Variants in PARVA observed in about 807,000 individuals in gnomAD.
PARVA encodes the protein alpha-parvin.
A neutral mutation model predicts 52.6 loss-of-function variants in PARVA; 25 were observed. That is an observed-to-expected ratio of 0.48 (90% CI 0.35 to 0.66). The LOEUF (loss-of-function observed/expected upper bound fraction) is 0.66, where lower values mean the gene tolerates loss of function less well. PARVA is among the 30% of genes least tolerant of loss of function. PARVA has a pLI of 0.01. For synonymous variants in PARVA, 185 were observed against 179.1 expected, an observed-to-expected ratio of 1.03 and a Z score of -0.26; for missense variants, 373 against 450.9, an observed-to-expected ratio of 0.83 and a Z score of 1.56.
At chr11:12,472,236 C>G (rs1009204520) in intron 1 of PARVA, among the ~76,000 whole-genome samples, 1 of 152,158 alleles carries the variant, frequency 6.6e-6, no homozygotes, top group African/African-American at 2.4e-5. Flanking sequence ...TTAAAAATCT[C>G]CAGATAATGT....
intron 12 of PARVA, among the ~76,000 whole-genome samples, chr11:12,520,928 C>A (rs1177846189): frequency 6.6e-6 from 1 of 152,118 alleles, no homozygotes; most frequent in Non-Finnish European, 1.5e-5. Flanking sequence ...CAAAGTGAGA[C>A]CCTGTCTCAA....
intron 1 of PARVA, among the ~76,000 whole-genome samples, chr11:12,466,311 GT>G (rs36045215): frequency 3.1e-4 from 45 of 142,936 alleles, no homozygotes; most frequent in Non-Finnish European, 3.4e-4. Context: ...TTATTTAGTT[GT>G]TTTTTTTTTT....
intron 1 of PARVA, among the ~76,000 whole-genome samples, chr11:12,432,826 G>C (rs1940333217): frequency 6.6e-6 from 1 of 152,118 alleles, no homozygotes; most frequent in Middle Eastern, 3.2e-3. Flanking sequence ...ATTTGAACCT[G>C]TTTTCTATCA....
chr11:12,466,330 G>A (rs1271318069), intron 1 of PARVA, among the ~76,000 whole-genome samples: 12 of 145,322 alleles, frequency 8.3e-5, no homozygotes, highest in Admixed American at 1.4e-4. Flanking sequence ...TTTTTGAGAC[G>A]GAGTCTTGCT....
At chr11:12,452,688 C>A (rs1047338156) in intron 1 of PARVA, 2 of 225,274 alleles carry the variant, frequency 8.9e-6, no homozygotes, top group African/African-American at 4.5e-5. Flanking sequence ...GTAACTTATA[C>A]CCCGAATGAG....
chr11:12,459,241 C>CAA (rs34764506), intron 1 of PARVA, among the ~76,000 whole-genome samples: 2 of 151,558 alleles, frequency 1.3e-5, no homozygotes, highest in African/African-American at 4.8e-5. Flanking sequence ...GTCTCCACAA[C>CAA]AAAAAATACA....
At chr11:12,413,578 C>T (rs12574841) in intron 1 of PARVA, among the ~76,000 whole-genome samples, 63,025 of 149,418 alleles carry the variant, frequency 0.42, 13,159 homozygotes, top group East Asian at 0.49. Context: ...ATGATGGAAC[C>T]TGTACACTCA....
intron 7 of PARVA, among the ~76,000 whole-genome samples, chr11:12,510,616 C>T (rs142426885): frequency 0.18 from 27,913 of 152,020 alleles, 3,044 homozygotes; most frequent in Middle Eastern, 0.24. Context: ...TCCACATGGC[C>T]GGGGAGGCCT....
chr11:12,521,867 A>G (rs1941640593), intron 12 of PARVA, among the ~76,000 whole-genome samples: 1 of 152,178 alleles, frequency 6.6e-6, no homozygotes, highest in African/African-American at 2.4e-5. Context: ...CCTTATGGCC[A>G]CCTAACTTAT....
At chr11:12,406,334 A>T (rs1227012713) in intron 1 of PARVA, among the ~76,000 whole-genome samples, 1 of 152,244 alleles carries the variant, frequency 6.6e-6, no homozygotes, top group Non-Finnish European at 1.5e-5. Context: ...GTTATGGAGG[A>T]TAACCTCATT....
At chr11:12,516,407 C>G (rs1488477429) in intron 10 of PARVA, among the ~76,000 whole-genome samples, 1 of 152,024 alleles carries the variant, frequency 6.6e-6, no homozygotes, top group Non-Finnish European at 1.5e-5. Flanking sequence ...CTACCTGGAA[C>G]CCCCTACTCC....
intron 1 of PARVA, among the ~76,000 whole-genome samples, chr11:12,429,831 T>C (rs1407594413): frequency 6.6e-6 from 1 of 152,226 alleles, no homozygotes; most frequent in Non-Finnish European, 1.5e-5. Context: ...AATGGAACAC[T>C]AGGCATAACT....
chr11:12,473,032 C>T (rs1189768567), intron 1 of PARVA, among the ~76,000 whole-genome samples: 1 of 152,088 alleles, frequency 6.6e-6, no homozygotes, highest in Non-Finnish European at 1.5e-5. Context: ...TTACAGATTT[C>T]TAGGATTTGA....
At chr11:12,465,938 C>T (rs1481313772) in intron 1 of PARVA, among the ~76,000 whole-genome samples, 13 of 152,226 alleles carry the variant, frequency 8.5e-5, no homozygotes, top group Non-Finnish European at 2.9e-5. Flanking sequence ...CAAAGTGGCT[C>T]TTACTATTTT....
In PARVA at chr11:12,377,767, G is replaced by A; in HGVS notation, c.120G>A (p.Arg40=). The change falls in exon 1 of 13, where the codon AGG becomes AGA. Residue 40 remains arginine, a synonymous_variant. Transcript: ENST00000334956. ...AACTCGGAGGGACCCTGGCCCGGAG[G>A]AAGAAAGCCAAGGAGGGTGAGTGCG... ...LGKLGGTLAR[R]KKAKEVSELQ... 6.6e-7 allele frequency: 1 copy of A among 1,520,734 alleles called. No homozygotes were observed. The highest frequency in any genetic ancestry group is 8.8e-7 in the Non-Finnish European group (1 of 1,138,586). 94.2% of individuals were successfully genotyped at this position (1,520,734 alleles called of 1,614,324 possible).
At chr11:12,412,279 C>G (rs1462195465) in intron 1 of PARVA, among the ~76,000 whole-genome samples, 1 of 152,194 alleles carries the variant, frequency 6.6e-6, no homozygotes, top group African/African-American at 2.4e-5. Context: ...ATGAATGACT[C>G]TTGATGTTAG....
At chr11:12,431,115 A>G (rs1215390181) in intron 1 of PARVA, among the ~76,000 whole-genome samples, 1 of 152,194 alleles carries the variant, frequency 6.6e-6, no homozygotes, top group Non-Finnish European at 1.5e-5. Flanking sequence ...GACTCACAGC[A>G]GTTTATTTTA....
At chr11:12,378,085 G>T (rs1276981945) in intron 1 of PARVA, among the ~76,000 whole-genome samples, 2 of 151,054 alleles carry the variant, frequency 1.3e-5, no homozygotes, top group Non-Finnish European at 3.0e-5. Flanking sequence ...GCCGCTTGGC[G>T]GCCGGAGGCG....
At chr11:12,469,715 T>TG (rs2135031949) in intron 1 of PARVA, among the ~76,000 whole-genome samples, 1 of 152,362 alleles carries the variant, frequency 6.6e-6, no homozygotes, top group South Asian at 2.1e-4. Context: ...ATGATGTTCC[T>TG]GTACCAAATC....
Sources: gnomAD v4.1 joint callset for allele counts (sites outside exome capture counted in the v4.1 genomes callset) on GRCh38, gnomAD v4.1.1 for gene constraint, MANE v1.5 for transcripts, NCBI Gene and HGNC (gene_info 2026-07-23, HGNC 2026-07-21) for gene names.